Variants in STXBP5L observed in about 807,000 individuals in gnomAD.
STXBP5L encodes the protein syntaxin-binding protein 5-like.
In STXBP5L, 65 loss-of-function variants were observed where a neutral mutation model predicts 144.5. The observed-to-expected ratio is 0.45, with a 90% confidence interval of 0.37 to 0.55. The LOEUF is 0.55. Among genes scored for constraint, STXBP5L ranks in the 20% least tolerant of loss-of-function variants. STXBP5L has a pLI of 0.00. For missense variants in STXBP5L, 1,298 were observed against 1,405.5 expected (o/e 0.92, Z 1.22); for synonymous variants, 505 against 469.6 (o/e 1.08, Z -0.97).
At chr3:120,998,146 G>C (rs889004201) in intron 3 of STXBP5L, among the ~76,000 whole-genome samples, 2 of 152,124 alleles carry the variant, frequency 1.3e-5, no homozygotes, top group Non-Finnish European at 2.9e-5. Flanking sequence ...GGCAATAGCT[G>C]TAATTATTCC....
intron 4 of STXBP5L, among the ~76,000 whole-genome samples, chr3:121,044,572 CACATT>C (rs2107562179): frequency 1.3e-5 from 2 of 152,244 alleles, no homozygotes; most frequent in South Asian, 4.1e-4. Flanking sequence ...TCTTAGAGAA[CACATT>C]TAATGCTCTG....
rs72966188 is a variant in STXBP5L, at chr3:121,183,690, A to G, written c.878-22233A>G. 2.5e-3 allele frequency among the ~76,000 whole-genome samples: 381 copies of G among 152,138 alleles called. 2 individuals carry two copies. The highest frequency in any genetic ancestry group is 8.6e-3 in the African/African-American group (358 of 41,532). ...GAAGGGAGGGAGGGAGGAAGGAAGCAAGGAAGGGCAAGGAAACGAAAGCAA... is the reference window on the plus strand; with the variant it reads ...GAAGGGAGGGAGGGAGGAAGGAAGCGAGGAAGGGCAAGGAAACGAAAGCAA... On this transcript the variant is annotated intron_variant, in intron 9 of 26. Coordinates refer to ENST00000471454, the MANE Select transcript of STXBP5L (RefSeq NM_001308330.2).
At chr3:120,977,551 G>T (rs1941214005) in intron 3 of STXBP5L, among the ~76,000 whole-genome samples, 1 of 152,148 alleles carries the variant, frequency 6.6e-6, no homozygotes, top group African/African-American at 2.4e-5. Flanking sequence ...TACATTGAAA[G>T]TTAATATTGT....
intron 2 of STXBP5L, among the ~76,000 whole-genome samples, chr3:120,942,710 A>G (rs1710631984): frequency 6.6e-6 from 1 of 150,740 alleles, no homozygotes; most frequent in Non-Finnish European, 1.5e-5. Context: ...ATTTGTTTCT[A>G]TTTTCTTGTA....
At chr3:120,988,434 A>G (rs1942511778) in intron 3 of STXBP5L, among the ~76,000 whole-genome samples, 1 of 151,920 alleles carries the variant, frequency 6.6e-6, no homozygotes, top group African/African-American at 2.4e-5. Context: ...ATTGATTTCT[A>G]GTTTAATTCC....
chr3:120,944,117 T>G (rs1230486735), intron 2 of STXBP5L, among the ~76,000 whole-genome samples: 1 of 151,454 alleles, frequency 6.6e-6, no homozygotes, highest in East Asian at 1.9e-4. Flanking sequence ...GATTTTTTTT[T>G]GGAGGATGGG....
chr3:120,975,318 G>A (rs1408943458), intron 3 of STXBP5L, among the ~76,000 whole-genome samples: 11 of 152,134 alleles, frequency 7.2e-5, no homozygotes, highest in Admixed American at 7.2e-4. Flanking sequence ...GTGAATGGGA[G>A]TTCACTCATG....
chr3:121,034,397 C>T (rs568727982), intron 3 of STXBP5L, among the ~76,000 whole-genome samples: 1 of 152,202 alleles, frequency 6.6e-6, no homozygotes, highest in South Asian at 2.1e-4. Context: ...TTCACAGTTT[C>T]TGAGTTGATC....
rs757072260 is a variant in STXBP5L at position 121,407,476 on chromosome 3, T to C, written c.2821T>C (p.Ser941Pro). 9 of 1,613,368 alleles carry C rather than the reference T, an allele frequency of 5.6e-6. No individual in the cohort carries two copies. The highest frequency in any genetic ancestry group is 7.6e-6 in the Non-Finnish European group (9 of 1,179,508). ...EKQAKVFSLP[S>P]QTCLYVHNIT... ...ACAAGCCAAAGTCTTCTCACTGCCTTCTCAGACTTGCCTTTATGTTCATAA... is the reference window on the plus strand; with the variant it reads ...ACAAGCCAAAGTCTTCTCACTGCCTCCTCAGACTTGCCTTTATGTTCATAA... Residue 941 changes from serine to proline, a missense_variant, in exon 23 of 27, where the codon TCT (serine) becomes CCT (proline). By Grantham distance (74) the Ser-to-Pro change is moderately conservative. Transcript: ENST00000471454.
At chr3:121,210,026 T>A (rs1234275562) in intron 10 of STXBP5L, among the ~76,000 whole-genome samples, 4 of 152,342 alleles carry the variant, frequency 2.6e-5, no homozygotes, top group South Asian at 4.1e-4. Context: ...TCCACAATGG[T>A]TGAACTAGTT....
At chr3:121,242,821 C>G (rs894383439) in intron 14 of STXBP5L, among the ~76,000 whole-genome samples, 1 of 152,012 alleles carries the variant, frequency 6.6e-6, no homozygotes, top group African/African-American at 2.4e-5. Context: ...AGAGTGATAT[C>G]AACAAGGTGA....
intron 9 of STXBP5L, among the ~76,000 whole-genome samples, chr3:121,174,384 A>G (rs535142540): frequency 6.6e-6 from 1 of 152,096 alleles, no homozygotes; most frequent in Non-Finnish European, 1.5e-5. Flanking sequence ...TTTAGGCTAA[A>G]GCTGTTTGTC....
chr3:121,189,526 G>A (rs1233299155), intron 9 of STXBP5L, among the ~76,000 whole-genome samples: 14 of 152,168 alleles, frequency 9.2e-5, no homozygotes, highest in Admixed American at 3.3e-4. Flanking sequence ...AAGATCAGAT[G>A]GTTGTAGATG....
chr3:121,187,044 C>T (rs1306252836), intron 9 of STXBP5L, among the ~76,000 whole-genome samples: 1 of 152,110 alleles, frequency 6.6e-6, no homozygotes, highest in African/African-American at 2.4e-5. Context: ...TACCATTTGA[C>T]CCAGCCATCC....
chr3:121,257,347 C>T lies in STXBP5L; in HGVS notation c.1832+14C>T. On this transcript the variant is annotated intron_variant, in intron 17 of 26. Coordinates refer to ENST00000471454, the MANE Select transcript of STXBP5L (RefSeq NM_001308330.2). The stretch of plus-strand genomic sequence containing the variant: ...TCCATGCCTCAAGTAAGAGTTTCTA[C>T]CAAATTTTCAAACAATTTTAGATAT... 1.9e-6 allele frequency: 3 copies of T among 1,579,604 alleles called. No individual in the cohort carries two copies. The highest frequency in any genetic ancestry group is 2.6e-6 in the Non-Finnish European group (3 of 1,163,022).
Position 121,009,121 on chromosome 3 carries a change from C to T in STXBP5L, c.288-32579C>T, listed in dbSNP as rs144170461. ...CCTGCCACCTGGTCACTCTGTTCCT[C>T]ATTATGAAGGCAGTGGGGTGGCTGA... On this transcript the variant is annotated intron_variant, in intron 3 of 26. Transcript: ENST00000471454. Among the ~76,000 whole-genome samples, 463 of 152,068 alleles carry T rather than the reference C, an allele frequency of 3.0e-3. 5 individuals are homozygous for T. The highest frequency in any genetic ancestry group is 0.011 in the African/African-American group (446 of 41,516).
intron 7 of STXBP5L, among the ~76,000 whole-genome samples, chr3:121,150,942 G>T (rs1000892783): frequency 6.6e-6 from 1 of 152,018 alleles, no homozygotes; most frequent in Non-Finnish European, 1.5e-5. Flanking sequence ...ACAAAAATTA[G>T]CCAGGTGTGG....
intron 18 of STXBP5L, among the ~76,000 whole-genome samples, chr3:121,266,785 G>C (rs1197864960): frequency 6.6e-6 from 1 of 152,088 alleles, no homozygotes; most frequent in East Asian, 1.9e-4. Flanking sequence ...AAAGTGGCAG[G>C]ATACAAAATC....
intron 22 of STXBP5L, among the ~76,000 whole-genome samples, chr3:121,395,508 G>T (rs2046706711): frequency 6.6e-6 from 1 of 151,956 alleles, no homozygotes; most frequent in Non-Finnish European, 1.5e-5. Context: ...TTCTGGTCAG[G>T]TTCCATTTTG....
Sources: allele counts gnomAD v4.1 joint callset (sites outside exome capture counted in the v4.1 genomes callset), GRCh38; gene constraint gnomAD v4.1.1; transcripts MANE v1.5; gene names NCBI Gene and HGNC (gene_info 2026-07-23, HGNC 2026-07-21).